Variants in TMEM154 observed in about 807,000 individuals in gnomAD.
The protein encoded by TMEM154 is transmembrane protein 154.
A neutral mutation model predicts 24.5 loss-of-function variants in TMEM154; 27 were observed. That is an observed-to-expected ratio of 1.10 (90% CI 0.81 to 1.52). The LOEUF is 1.52. Ranked by LOEUF, TMEM154 falls within the 40% of genes most tolerant of loss-of-function variation. The pLI is 0.00. For synonymous variants in TMEM154, 67 were observed against 76.8 expected (o/e 0.87, Z 0.67); for missense variants, 228 against 213.4 (o/e 1.07, Z -0.43).
intron 3 of TMEM154, among the ~76,000 whole-genome samples, chr4:152,646,268 C>G (rs1419483215): frequency 2.0e-5 from 3 of 152,092 alleles, no homozygotes; most frequent in East Asian, 3.9e-4. Context: ...AGCCTGCAAG[C>G]AGATGAAGGA....
In TMEM154 at chr4:152,627,697, C is replaced by T. The variant is rs1406528259; in HGVS notation, c.*849G>A. The T allele has an allele frequency of 1.3e-5, 2 of 152,212 alleles. No homozygotes were observed. The highest frequency in any genetic ancestry group is 2.9e-5 in the Non-Finnish European group (2 of 68,046). The allele number at this position is 152,212 out of a possible 1,614,324, so 9.4% of individuals were successfully genotyped here. A position where few individuals can be genotyped will look rare whatever the true frequency, so the allele number is the denominator to read the frequency against. ...CAAACCACCTTCAGGATCTCTGAAA[C>T]ATAGAAGGCTGACAGATGACTCCCA... On this transcript the variant is annotated 3_prime_UTR_variant, in exon 7 of 7. Coordinates refer to ENST00000304385, the MANE Select transcript of TMEM154 (RefSeq NM_152680.3).
chr4:152,663,739 C>T (rs993256037), intron 1 of TMEM154, among the ~76,000 whole-genome samples: 2 of 152,234 alleles, frequency 1.3e-5, no homozygotes, highest in African/African-American at 4.8e-5. Context: ...AATGATGAAA[C>T]TAAGCTGCAA....
At chr4:152,663,494 CA>C (rs1300858718) in intron 1 of TMEM154, among the ~76,000 whole-genome samples, 10 of 152,244 alleles carry the variant, frequency 6.6e-5, no homozygotes, top group Admixed American at 1.3e-4. Flanking sequence ...TGCGTGGCTT[CA>C]TGCCCTGCAT....
At chr4:152,646,749 G>C in intron 3 of TMEM154, 2 of 574,442 alleles carry the variant, frequency 3.5e-6, no homozygotes, top group Non-Finnish European at 6.2e-6. Context: ...GCATTCGATA[G>C]TGGGGTTGTC....
chr4:152,646,799 T>C (rs1728250567), intron 3 of TMEM154: 1 of 603,854 alleles, frequency 1.7e-6, no homozygotes, highest in African/African-American at 1.9e-5. Flanking sequence ...CAGGAGCCTC[T>C]GGCTTCCTTT....
intron 3 of TMEM154, among the ~76,000 whole-genome samples, 195 bp from the exon 4 acceptor site, chr4:152,644,637 T>A (rs1752321001): frequency 6.6e-6 from 1 of 152,194 alleles, no homozygotes; most frequent in South Asian, 2.1e-4. Flanking sequence ...CCGTGTGAAA[T>A]CTGCTTTCTT....
rs1751923016 is a variant in TMEM154 at position 152,626,430 on chromosome 4, A to G, written c.*2116T>C. 1 of 152,328 alleles carries G rather than the reference A, an allele frequency of 6.6e-6. No homozygotes were observed. The highest frequency in any genetic ancestry group is 2.4e-5 in the African/African-American group (1 of 41,472). 9.4% of individuals were successfully genotyped at this position (152,328 alleles called of 1,614,324 possible). On this transcript the variant is annotated 3_prime_UTR_variant, in exon 7 of 7. Coordinates refer to ENST00000304385, the MANE Select transcript of TMEM154 (RefSeq NM_152680.3). ...CAGTAATAAAAAGACACAAGGTACA[A>G]GAATTGAGGCTTGGCTGTTCTGGCT... is the stretch of plus-strand genomic sequence containing the variant.
At chr4:152,631,506 T>C (rs1051039216) in intron 6 of TMEM154, among the ~76,000 whole-genome samples, 1 of 152,122 alleles carries the variant, frequency 6.6e-6, no homozygotes, top group African/African-American at 2.4e-5. Context: ...AGATCTTAGC[T>C]CACTGCAGCC....
chr4:152,631,134 A>G (rs13141221), intron 6 of TMEM154, among the ~76,000 whole-genome samples: 7,911 of 152,314 alleles, frequency 0.052, 283 homozygotes, highest in Non-Finnish European at 0.076. Context: ...CAAATTATAT[A>G]CAATTTTAAA....
chr4:152,634,031 C>CAA (rs1167923301), intron 6 of TMEM154, among the ~76,000 whole-genome samples: 1,406 of 20,342 alleles, frequency 0.069, 84 homozygotes, highest in African/African-American at 0.19. Context: ...GACCCCATCT[C>CAA]AAAAAAAAAA....
intron 1 of TMEM154, among the ~76,000 whole-genome samples, chr4:152,671,219 C>G (rs575145714): frequency 1.3e-5 from 2 of 151,790 alleles, no homozygotes; most frequent in East Asian, 1.9e-4. Flanking sequence ...ATAGGGCTCA[C>G]GGTGGGAAGC....
rs575378431 is a variant in TMEM154, at chr4:152,678,156, C to T, written c.64+1714G>A. ...GGACGACAACTGGAAGGAGGTGCCA[C>T]TGGGAAGGAGGTTGCAGTGAGAGTC... is the stretch of plus-strand genomic sequence containing the variant. On this transcript the variant is annotated intron_variant, in intron 1 of 6. Transcript: ENST00000304385. 3.3e-5 allele frequency among the ~76,000 whole-genome samples: 5 copies of T among 152,016 alleles called. No homozygotes were observed. The South Asian group carries it at 1.0e-3, about 32-fold the overall frequency.
chr4:152,679,636 T>G (rs1469181531), intron 1 of TMEM154, among the ~76,000 whole-genome samples: 1 of 152,082 alleles, frequency 6.6e-6, no homozygotes, highest in Non-Finnish European at 1.5e-5. Context: ...AGACAAAGAC[T>G]GAAAGAGGGT....
At chr4:152,641,304 T>C (rs936380079) in intron 5 of TMEM154, 7 of 259,738 alleles carry the variant, frequency 2.7e-5, no homozygotes, top group African/African-American at 4.5e-5. Flanking sequence ...GGATAGACAG[T>C]GGAATAAGAT....
At chr4:152,678,684 A>G (rs958312762) in intron 1 of TMEM154, among the ~76,000 whole-genome samples, 2 of 152,190 alleles carry the variant, frequency 1.3e-5, no homozygotes, top group Non-Finnish European at 2.9e-5. Flanking sequence ...GAGCTGCATC[A>G]TCTTCAAGTT....
chr4:152,659,741 C>T (rs1231916696), intron 1 of TMEM154, among the ~76,000 whole-genome samples: 6 of 152,076 alleles, frequency 3.9e-5, no homozygotes, highest in African/African-American at 1.2e-4. Context: ...ATTATCCAAG[C>T]GGAACATGTT....
intron 1 of TMEM154, 124 bp downstream of exon 1, chr4:152,679,746 C>A: frequency 7.1e-7 from 1 of 1,415,522 alleles, no homozygotes; most frequent in South Asian, 1.2e-5. Context: ...ATTTTCTCCA[C>A]TTCTTTCACA....
intron 6 of TMEM154, among the ~76,000 whole-genome samples, chr4:152,638,906 C>T (rs1421653649): frequency 1.3e-5 from 2 of 152,160 alleles, no homozygotes; most frequent in Admixed American, 1.3e-4. Context: ...AATCATTTAA[C>T]TATGTGAAGG....
Position 152,626,937 on chromosome 4 carries a change from G to A in TMEM154, c.*1609C>T, listed in dbSNP as rs1751933010. On this transcript the variant is annotated 3_prime_UTR_variant, in exon 7 of 7. Coordinates refer to ENST00000304385, the MANE Select transcript of TMEM154 (RefSeq NM_152680.3). ...TGAAAAGGAACATGCAAGAGAGCAA[G>A]GAAAACACAAAGCCTCATTCAGATG... 1 of 152,196 alleles carries A rather than the reference G, an allele frequency of 6.6e-6. No individual in the cohort carries two copies. Among genetic ancestry groups the A allele is most frequent in the Admixed American group, 6.5e-5 (1 of 15,274 alleles). 9.4% of individuals were successfully genotyped at this position (152,196 alleles called of 1,614,324 possible).
Sources: allele counts gnomAD v4.1 joint callset (sites outside exome capture counted in the v4.1 genomes callset), GRCh38; gene constraint gnomAD v4.1.1; transcripts MANE v1.5; gene names NCBI Gene and HGNC (gene_info 2026-07-23, HGNC 2026-07-21).